The following NXPE4 variants were observed in gnomAD, a reference collection of about 807,000 sequenced individuals.
NXPE4 encodes neurexophilin and PC-esterase domain family member 4.
NXPE4 carries 42 observed loss-of-function variants against 33.3 expected under a neutral mutation model. The ratio of observed to expected loss-of-function variants is 1.26; its 90% CI spans 0.98 to 1.63. The LOEUF (loss-of-function observed/expected upper bound fraction) is 1.63. NXPE4 is among the 40% of genes most tolerant of loss of function. The pLI is 0.00. For missense variants in NXPE4, 709 were observed against 647.6 expected (o/e 1.09, Z -1.03); for synonymous variants, 253 against 234.9 (o/e 1.08, Z -0.71).
chr11:114,669,765 T>A, the NXPE4 span, among the ~76,000 whole-genome samples: 14,006 of 152,086 alleles, frequency 0.092, 766 homozygotes, highest in Middle Eastern at 0.2. Flanking sequence ...TTTGGAGCAG[T>A]CTGAAGGGAA....
rs1035310951 is a variant in NXPE4 at position 114,570,915 on chromosome 11, T to C, written c.*23A>G. The stretch of plus-strand genomic sequence containing the variant: ...CAATAAATTTTTTTACTTAAGTGAA[T>C]GAATTTCAGACTTTTGTGTTATTTA... On this transcript the variant is annotated 3_prime_UTR_variant, in exon 6 of 6. Transcript: ENST00000375478. The C allele has an allele frequency of 6.6e-7, 1 of 1,514,774 alleles. No individual in the cohort carries two copies. The highest frequency in any genetic ancestry group is 8.9e-7 in the Non-Finnish European group (1 of 1,122,740). The allele number at this position is 1,514,774 out of a possible 1,614,324, so 93.8% of individuals were successfully genotyped here.
the NXPE4 span, among the ~76,000 whole-genome samples, chr11:114,609,606 G>A: frequency 5.2e-4 from 78 of 151,234 alleles, no homozygotes; most frequent in African/African-American, 1.7e-3. Flanking sequence ...GTGTTGCCTC[G>A]TGGGTAGGCA....
chr11:114,613,222 C>T, the NXPE4 span, among the ~76,000 whole-genome samples: 3 of 151,914 alleles, frequency 2.0e-5, no homozygotes, highest in Admixed American at 1.3e-4. Flanking sequence ...ATACTTGTTG[C>T]CTCGAGGGTA....
the NXPE4 span, among the ~76,000 whole-genome samples, chr11:114,657,053 C>G: frequency 6.6e-6 from 1 of 152,156 alleles, no homozygotes; most frequent in Non-Finnish European, 1.5e-5. Flanking sequence ...GAGATTGCGC[C>G]ACTGCACTCC....
chr11:114,610,288 T>C, the NXPE4 span, among the ~76,000 whole-genome samples: 8 of 151,890 alleles, frequency 5.3e-5, no homozygotes, highest in South Asian at 1.7e-3. Flanking sequence ...CGGTGGATAA[T>C]AAGTGTTGCC....
chr11:114,616,681 C>T, the NXPE4 span, among the ~76,000 whole-genome samples: 17 of 148,512 alleles, frequency 1.1e-4, no homozygotes, highest in African/African-American at 3.8e-4. Flanking sequence ...TTGGATAATA[C>T]GTGTTGCCTC....
chr11:114,583,501 C>T (rs753939272), intron 2 of NXPE4: 77 of 622,656 alleles, frequency 1.2e-4, no homozygotes, highest in Non-Finnish European at 2.0e-4. Context: ...ATCCAGATTA[C>T]GTGTCTGAGC....
the NXPE4 span, among the ~76,000 whole-genome samples, chr11:114,677,958 C>T: frequency 2.0e-5 from 3 of 152,046 alleles, no homozygotes; most frequent in Admixed American, 1.3e-4. Context: ...GATTCTCTTA[C>T]CTTGTTACAT....
the NXPE4 span, among the ~76,000 whole-genome samples, chr11:114,647,656 T>C: frequency 3.3e-5 from 5 of 152,104 alleles, no homozygotes; most frequent in Non-Finnish European, 7.4e-5. Context: ...TCTGATTCTG[T>C]ATTTTGTCTC....
chr11:114,649,986 G>C, the NXPE4 span, among the ~76,000 whole-genome samples: 3 of 152,170 alleles, frequency 2.0e-5, no homozygotes, highest in African/African-American at 7.2e-5. Context: ...GCATCCCATA[G>C]AGTTCTATTT....
upstream of NXPE4, among the ~76,000 whole-genome samples, chr11:114,599,531 A>G (rs1300594809): frequency 6.6e-6 from 1 of 152,158 alleles, no homozygotes; most frequent in Non-Finnish European, 1.5e-5. Flanking sequence ...CTATAAAAAT[A>G]TTTGAGACTG....
At chr11:114,668,908 T>C in the NXPE4 span, among the ~76,000 whole-genome samples, 3 of 152,094 alleles carry the variant, frequency 2.0e-5, no homozygotes, top group Admixed American at 6.6e-5. Flanking sequence ...ACAACACTTA[T>C]TTAAGAAAAA....
At chr11:114,601,832 TTATA>T in the NXPE4 span, among the ~76,000 whole-genome samples, 1 of 71,942 alleles carries the variant, frequency 1.4e-5, no homozygotes, top group East Asian at 4.6e-4. Context: ...TAATATATAA[TTATA>T]TATATAATAT....
chr11:114,617,147 G>C, the NXPE4 span, among the ~76,000 whole-genome samples: 2 of 151,604 alleles, frequency 1.3e-5, no homozygotes, highest in African/African-American at 4.8e-5. Flanking sequence ...AATAAGTGAC[G>C]TTTTGTGGGT....
At chr11:114,572,310 T>G (rs552786502) in intron 5 of NXPE4, among the ~76,000 whole-genome samples, 2 of 152,242 alleles carry the variant, frequency 1.3e-5, no homozygotes, top group African/African-American at 2.4e-5. Flanking sequence ...AAAACAAGAT[T>G]CTTTAACTCC....
the NXPE4 span, among the ~76,000 whole-genome samples, chr11:114,614,219 G>C: frequency 6.6e-6 from 1 of 151,932 alleles, no homozygotes. Context: ...TGGATAATAA[G>C]TGTTGCCTCG....
chr11:114,580,314 TTC>T lies in NXPE4; in HGVS notation c.915_916del (p.Lys306MetfsTer25). On this transcript the variant is annotated frameshift_variant, in exon 5 of 6. Coordinates refer to ENST00000375478, the MANE Select transcript of NXPE4 (RefSeq NM_001077639.2). LOFTEE classifies it high-confidence loss of function. The stretch of plus-strand genomic sequence containing the variant: ...TGTGGATGTCATTCCAAACTTGCAT[TTC>T]TCTTTCATTGCAACTGTTTCTTCTG... 1 of 1,614,054 alleles carries T rather than the reference TTC, an allele frequency of 6.2e-7. No homozygotes were observed. The highest frequency in any genetic ancestry group is 8.5e-7 in the Non-Finnish European group (1 of 1,179,942).
the NXPE4 span, among the ~76,000 whole-genome samples, chr11:114,605,276 C>T: frequency 6.6e-6 from 1 of 151,834 alleles, no homozygotes; most frequent in Non-Finnish European, 1.5e-5. Context: ...ACCACTGTTA[C>T]CTGGTGGATA....
intron 2 of NXPE4, among the ~76,000 whole-genome samples, chr11:114,592,614 T>A (rs1250027086): frequency 2.0e-5 from 3 of 152,018 alleles, no homozygotes; most frequent in African/African-American, 7.2e-5. Context: ...CTAAAAGCAA[T>A]CTACAGATTC....
Sources: allele counts gnomAD v4.1 joint callset (sites outside exome capture counted in the v4.1 genomes callset), GRCh38; gene constraint gnomAD v4.1.1; transcripts MANE v1.5; gene names NCBI Gene and HGNC (gene_info 2026-07-23, HGNC 2026-07-21).